RBFOX1: variants seen among roughly 807,000 people sequenced by gnomAD.
The protein encoded by RBFOX1 is RNA binding protein fox-1 homolog 1.
RBFOX1 carries 8 observed loss-of-function variants against 57.7 expected under a neutral mutation model. That is an observed-to-expected ratio of 0.14 (90% CI 0.08 to 0.25). The LOEUF (loss-of-function observed/expected upper bound fraction) is 0.25. Among genes scored for constraint, RBFOX1 ranks in the 10% least tolerant of loss-of-function variants. The probability of loss-of-function intolerance (pLI) is 1.00; values close to 1 mark genes in which losing one functional copy is unlikely to be tolerated. For synonymous variants in RBFOX1, 326 were observed against 222.4 expected (o/e 1.47, Z -4.15); for missense variants, 611 against 548.5 (o/e 1.11, Z -1.14).
chr16:5,769,762 C>T (rs1484350720), intron 3 of RBFOX1, among the ~76,000 whole-genome samples: 7 of 152,120 alleles, frequency 4.6e-5, no homozygotes, highest in Non-Finnish European at 1.0e-4. Context: ...CACATCCTTC[C>T]CTTGCAGCCC....
intron 3 of RBFOX1, among the ~76,000 whole-genome samples, chr16:6,870,113 T>C (rs981209485): frequency 5.3e-5 from 8 of 152,148 alleles, no homozygotes; most frequent in African/African-American, 1.9e-4. Flanking sequence ...ATAATGATGA[T>C]TTTTTGCATA....
intron 10 of RBFOX1, among the ~76,000 whole-genome samples, chr16:7,609,900 C>T (rs188770647): frequency 8.3e-4 from 126 of 152,030 alleles, no homozygotes; most frequent in Middle Eastern, 6.8e-3. Context: ...TCACTGCAAG[C>T]TCTGCCTCCC....
intron 3 of RBFOX1, among the ~76,000 whole-genome samples, chr16:5,830,103 A>G (rs2056211891): frequency 6.6e-6 from 1 of 152,184 alleles, no homozygotes; most frequent in South Asian, 2.1e-4. Context: ...TCTAGCATCC[A>G]TCTTGTGGGC....
chr16:6,962,357 C>T (rs2083205850), intron 3 of RBFOX1, among the ~76,000 whole-genome samples: 1 of 152,154 alleles, frequency 6.6e-6, no homozygotes, highest in South Asian at 2.1e-4. Flanking sequence ...CCTACACATT[C>T]ATAGGTAGCA....
chr16:6,985,993 T>C (rs2090169815), intron 3 of RBFOX1, among the ~76,000 whole-genome samples: 1 of 151,624 alleles, frequency 6.6e-6, no homozygotes, highest in African/African-American at 2.4e-5. Flanking sequence ...GAGAGAAATT[T>C]TTTTTCATAA....
At chr16:7,663,521 G>A (rs775667636) in intron 12 of RBFOX1, among the ~76,000 whole-genome samples, 2 of 151,998 alleles carry the variant, frequency 1.3e-5, no homozygotes, top group Admixed American at 1.3e-4. Flanking sequence ...GTGTGTGTGT[G>A]TGTGTGTGTG....
chr16:6,123,493 G>A (rs1184404996), intron 1 of RBFOX1, among the ~76,000 whole-genome samples: 2 of 152,180 alleles, frequency 1.3e-5, no homozygotes, highest in East Asian at 3.8e-4. Context: ...GTTACCAGGG[G>A]CTGAAATGTG....
intron 11 of RBFOX1, among the ~76,000 whole-genome samples, chr16:7,640,417 C>T (rs17144422): frequency 0.2 from 30,411 of 152,168 alleles, 3,350 homozygotes; most frequent in African/African-American, 0.28. Flanking sequence ...TGCAAAAGGC[C>T]GCCAGTTGCA....
At chr16:7,444,188 G>A (rs139805115) in intron 4 of RBFOX1, among the ~76,000 whole-genome samples, 17 of 152,286 alleles carry the variant, frequency 1.1e-4, no homozygotes, top group South Asian at 1.0e-3. Context: ...CAGGTCTTCC[G>A]TGTTAAGTCT....
At chr16:7,105,583 G>A (rs1207595804) in intron 4 of RBFOX1, among the ~76,000 whole-genome samples, 1 of 151,920 alleles carries the variant, frequency 6.6e-6, no homozygotes, top group Non-Finnish European at 1.5e-5. Context: ...ACAACGTTTG[G>A]TTTTGCATTC....
chr16:5,652,688 A>T (rs2342718), intron 3 of RBFOX1, among the ~76,000 whole-genome samples: 85,999 of 151,998 alleles, frequency 0.57, 27,850 homozygotes, highest in Non-Finnish European at 0.74. Flanking sequence ...CAGCTACATA[A>T]AGGGTATAAA....
rs143309075 is a variant in RBFOX1 at position 7,101,805 on chromosome 16, C to T, written c.27+49707C>T. On this transcript the variant is annotated intron_variant, in intron 4 of 15. Coordinates refer to ENST00000550418, the MANE Select transcript of RBFOX1 (RefSeq NM_018723.4). ...TTAATGTTAGAATGTGGCAAATGCT[C>T]AGTAATCACTGAGCTAGGGATTTCC... 2.8e-3 allele frequency among the ~76,000 whole-genome samples: 430 copies of T among 152,230 alleles called. 2 individuals are homozygous for T. The highest frequency in any genetic ancestry group is 9.7e-3 in the African/African-American group (403 of 41,540).
intron 3 of RBFOX1, among the ~76,000 whole-genome samples, chr16:5,771,362 G>A (rs1051640146): frequency 4.6e-5 from 7 of 152,196 alleles, no homozygotes; most frequent in African/African-American, 1.7e-4. Flanking sequence ...CAAACCAGTA[G>A]CCAGTAACTG....
At chr16:7,571,416 C>G (rs1309439760) in intron 5 of RBFOX1, among the ~76,000 whole-genome samples, 1 of 152,130 alleles carries the variant, frequency 6.6e-6, no homozygotes, top group Non-Finnish European at 1.5e-5. Flanking sequence ...TATCAAAATC[C>G]AATTTCACCA....
At chr16:5,764,722 T>C (rs553420070) in intron 3 of RBFOX1, among the ~76,000 whole-genome samples, 1 of 152,282 alleles carries the variant, frequency 6.6e-6, no homozygotes, top group South Asian at 2.1e-4. Context: ...AAACATAACC[T>C]GAGCTTCAGT....
intron 4 of RBFOX1, among the ~76,000 whole-genome samples, chr16:7,241,499 A>G (rs1297096103): frequency 6.6e-6 from 1 of 152,238 alleles, no homozygotes; most frequent in Non-Finnish European, 1.5e-5. Flanking sequence ...GAAACAGGAC[A>G]TCTTGAAAGT....
chr16:6,761,162 A>G (rs12928252), intron 3 of RBFOX1, among the ~76,000 whole-genome samples: 66,004 of 152,006 alleles, frequency 0.43, 15,308 homozygotes, highest in Non-Finnish European at 0.51. Context: ...ATCAAATTGT[A>G]AATGTGAATC....
intron 1 of RBFOX1, among the ~76,000 whole-genome samples, chr16:6,313,903 G>A (rs1415144924): frequency 6.6e-6 from 1 of 151,932 alleles, no homozygotes; most frequent in African/African-American, 2.4e-5. Context: ...TGGTACCATT[G>A]TTAATGATCA....
chr16:6,007,445 C>T (rs895983725), intron 4 of RBFOX1, among the ~76,000 whole-genome samples: 5 of 152,192 alleles, frequency 3.3e-5, no homozygotes, highest in East Asian at 1.9e-4. Flanking sequence ...GATCCTTCTT[C>T]AGTCAGGTCT....
Sources: gnomAD v4.1 joint callset for allele counts (sites outside exome capture counted in the v4.1 genomes callset) on GRCh38, gnomAD v4.1.1 for gene constraint, MANE v1.5 for transcripts, NCBI Gene and HGNC (gene_info 2026-07-23, HGNC 2026-07-21) for gene names.